EYS: variants seen among roughly 807,000 people sequenced by gnomAD.
EYS encodes protein eyes shut homolog.
Under a neutral mutation model 282.1 loss-of-function variants are expected in EYS, and 250 were observed. The observed-to-expected ratio is 0.89, with a 90% confidence interval of 0.80 to 0.98. The LOEUF is 0.98. EYS is among the 50% of genes least tolerant of loss of function. The pLI is 0.00. For missense variants in EYS, 4,016 were observed against 3,709.0 expected, an observed-to-expected ratio of 1.08 and a Z score of -2.15; for synonymous variants, 1,355 against 1,282.9, an observed-to-expected ratio of 1.06 and a Z score of -1.20.
chr6:65,420,467 C>T (rs1404153806), intron 5 of EYS, among the ~76,000 whole-genome samples: 1 of 151,960 alleles, frequency 6.6e-6, no homozygotes, highest in Non-Finnish European at 1.5e-5. Context: ...GCTATTTCCA[C>T]TACATTTGCA....
At chr6:65,473,528 T>G (rs1765292190) in intron 5 of EYS, among the ~76,000 whole-genome samples, 1 of 151,964 alleles carries the variant, frequency 6.6e-6, no homozygotes, top group Admixed American at 6.6e-5. Flanking sequence ...TGGATTTTGA[T>G]TAATTACTAA....
intron 31 of EYS, among the ~76,000 whole-genome samples, chr6:64,182,606 C>T (rs1764819081): frequency 6.6e-6 from 1 of 152,160 alleles, no homozygotes; most frequent in Non-Finnish European, 1.5e-5. Flanking sequence ...TCTGCTACCT[C>T]AGTAATCCAC....
intron 35 of EYS, among the ~76,000 whole-genome samples, chr6:63,922,635 A>T (rs1764605525): frequency 6.6e-6 from 1 of 152,196 alleles, no homozygotes; most frequent in Non-Finnish European, 1.5e-5. Flanking sequence ...CGCTATAATG[A>T]GTTTAAATAA....
chr6:64,692,296 C>T (rs1770415754), intron 22 of EYS, among the ~76,000 whole-genome samples: 2 of 152,112 alleles, frequency 1.3e-5, no homozygotes, highest in South Asian at 4.1e-4. Context: ...TGTATGCTTT[C>T]TTTGGAGAAG....
chr6:65,636,889 G>T (rs1404040186), intron 2 of EYS, among the ~76,000 whole-genome samples: 1 of 152,212 alleles, frequency 6.6e-6, no homozygotes, highest in South Asian at 2.1e-4. Flanking sequence ...GCTCATCAAT[G>T]CAGCCTCAAC....
intron 13 of EYS, among the ~76,000 whole-genome samples, chr6:65,039,250 A>C (rs1772860123): frequency 6.6e-6 from 1 of 151,484 alleles, no homozygotes; most frequent in Admixed American, 6.6e-5. Context: ...TTCCACCATC[A>C]TTTTTTAAAA....
At chr6:64,499,004 A>G (rs1399182045) in intron 26 of EYS, among the ~76,000 whole-genome samples, 3 of 152,124 alleles carry the variant, frequency 2.0e-5, no homozygotes, top group Non-Finnish European at 2.9e-5. Flanking sequence ...GCGAAATGGT[A>G]TTTCTGGTTC....
At chr6:64,226,989 T>A (rs1766270086) in intron 31 of EYS, among the ~76,000 whole-genome samples, 2 of 152,052 alleles carry the variant, frequency 1.3e-5, no homozygotes, top group African/African-American at 4.8e-5. Flanking sequence ...CTTTCACAGG[T>A]TAAGAATATT....
chr6:65,313,954 C>A (rs2882473), intron 11 of EYS, among the ~76,000 whole-genome samples: 3 of 152,182 alleles, frequency 2.0e-5, no homozygotes, highest in African/African-American at 4.8e-5. Flanking sequence ...CCCTCTGCAA[C>A]GACTATTGTC....
At chr6:65,307,963 A>ATTTT (rs1429524771) in intron 11 of EYS, among the ~76,000 whole-genome samples, 3 of 148,578 alleles carry the variant, frequency 2.0e-5, no homozygotes, top group Non-Finnish European at 4.5e-5. Flanking sequence ...AGAGCCTTTT[A>ATTTT]TTTTTATTTA....
At position 64,606,477 on chromosome 6, in the gene EYS, C is replaced by T. The variant is rs1766941690; in HGVS notation, c.3684+10941G>A. 1.3e-5 allele frequency among the ~76,000 whole-genome samples: 2 copies of T among 151,906 alleles called. 1 individual carries two copies. Among genetic ancestry groups the T allele is most frequent in the South Asian group, 4.1e-4 (2 of 4,828 alleles). ...ATTATCATTTGTTTACCCATTTCTC[C>T]CTTGGAGTATTATTCTATACCAACC... On this transcript the variant is annotated intron_variant, in intron 24 of 42. Transcript: ENST00000503581.
intron 26 of EYS, among the ~76,000 whole-genome samples, chr6:64,449,070 G>A (rs1340444132): frequency 6.6e-6 from 1 of 152,088 alleles, no homozygotes; most frequent in African/African-American, 2.4e-5. Flanking sequence ...GCTAAAGAAG[G>A]AAGTTCAAAC....
At chr6:65,055,677 C>G (rs1171903374) in intron 13 of EYS, among the ~76,000 whole-genome samples, 1 of 151,876 alleles carries the variant, frequency 6.6e-6, no homozygotes, top group African/African-American at 2.4e-5. Context: ...AAATTCTAGT[C>G]AAGTATTTTT....
At chr6:64,736,408 T>A (rs975045362) in intron 22 of EYS, among the ~76,000 whole-genome samples, 1 of 151,974 alleles carries the variant, frequency 6.6e-6, no homozygotes, top group African/African-American at 2.4e-5. Context: ...CTCTAAAGAG[T>A]GGTTGAAGAA....
intron 31 of EYS, among the ~76,000 whole-genome samples, chr6:64,226,936 G>A (rs1766268851): frequency 6.6e-6 from 1 of 151,918 alleles, no homozygotes; most frequent in Admixed American, 6.6e-5. Flanking sequence ...ACTCTATTTT[G>A]CTGTGTAACA....
At chr6:64,293,915 C>G (rs1258272051) in intron 30 of EYS, among the ~76,000 whole-genome samples, 1 of 152,106 alleles carries the variant, frequency 6.6e-6, no homozygotes, top group Admixed American at 6.6e-5. Flanking sequence ...AATATCGTAC[C>G]TGTCTACTCT....
At chr6:64,756,282 A>T (rs1269385713) in intron 22 of EYS, among the ~76,000 whole-genome samples, 1 of 152,176 alleles carries the variant, frequency 6.6e-6, no homozygotes, top group African/African-American at 2.4e-5. Context: ...GCAGTAGAAA[A>T]ACTGAACTCC....
intron 2 of EYS, among the ~76,000 whole-genome samples, chr6:65,519,710 T>TATATATATATATA (rs547637518): frequency 1.1e-4 from 3 of 28,012 alleles, no homozygotes; most frequent in East Asian, 1.7e-3. Context: ...ATATATATAT[T>TATATATATATATA]TTTTTTTTTT....
intron 23 of EYS, among the ~76,000 whole-genome samples, chr6:64,618,685 C>A (rs1767350186): frequency 6.6e-6 from 1 of 152,116 alleles, no homozygotes; most frequent in Non-Finnish European, 1.5e-5. Context: ...AAAGACATGG[C>A]AATGTCCACA....
Sources: allele counts gnomAD v4.1 joint callset (sites outside exome capture counted in the v4.1 genomes callset), GRCh38; gene constraint gnomAD v4.1.1; transcripts MANE v1.5; gene names NCBI Gene and HGNC (gene_info 2026-07-23, HGNC 2026-07-21).